Variants in KHDRBS2 observed in about 807,000 individuals in gnomAD.
The protein encoded by KHDRBS2 is KH RNA binding domain containing, signal transduction associated 2.
Under a neutral mutation model 44.3 loss-of-function variants are expected in KHDRBS2, and 26 were observed. The ratio of observed to expected loss-of-function variants is 0.59; its 90% CI spans 0.43 to 0.81. The LOEUF (loss-of-function observed/expected upper bound fraction) is 0.81, where lower values mean the gene tolerates loss of function less well. Ranked by LOEUF, KHDRBS2 falls within the 40% of genes least tolerant of loss-of-function variation. The pLI is 0.00. For synonymous variants in KHDRBS2, 194 were observed against 151.1 expected, an observed-to-expected ratio of 1.28 and a Z score of -2.08; for missense variants, 476 against 433.1, an observed-to-expected ratio of 1.10 and a Z score of -0.88.
At position 61,955,693 on chromosome 6, in the gene KHDRBS2, T is replaced by C. The variant is rs1487695669; in HGVS notation, c.483+22373A>G. Among the ~76,000 whole-genome samples, 11 of 114,230 alleles carry C rather than the reference T, an allele frequency of 9.6e-5. 1 individual carries two copies. The highest frequency in any genetic ancestry group is 3.1e-4 in the African/African-American group (8 of 26,132). The allele number at this position is 114,230 out of a possible 152,430, so 74.9% of individuals were successfully genotyped here. The stretch of plus-strand genomic sequence containing the variant: ...ATGTACACATATGTATGTATACATA[T>C]ATGTGTATATATACACATATGTATG... On this transcript the variant is annotated intron_variant, in intron 4 of 8. Transcript: ENST00000281156.
intron 1 of KHDRBS2, among the ~76,000 whole-genome samples, chr6:62,238,908 CA>C (rs894677734): frequency 1.3e-5 from 2 of 151,916 alleles, no homozygotes; most frequent in African/African-American, 4.8e-5. Flanking sequence ...ATACTTTACC[CA>C]AAAATGTTTA....
At chr6:61,947,902 A>G (rs548336655) in intron 4 of KHDRBS2, among the ~76,000 whole-genome samples, 5 of 143,196 alleles carry the variant, frequency 3.5e-5, no homozygotes, top group Non-Finnish European at 7.6e-5. Context: ...CAAAACCCCC[A>G]CACACACACA....
intron 6 of KHDRBS2, among the ~76,000 whole-genome samples, chr6:61,789,930 C>T (rs926535467): frequency 1.3e-5 from 2 of 151,252 alleles, no homozygotes; most frequent in Non-Finnish European, 3.0e-5. Flanking sequence ...TTAGGAATTG[C>T]AAAATTCCAT....
chr6:62,064,302 A>C (rs972538113), intron 2 of KHDRBS2, among the ~76,000 whole-genome samples: 2 of 150,350 alleles, frequency 1.3e-5, no homozygotes, highest in Non-Finnish European at 3.0e-5. Context: ...TATGGAACAA[A>C]AAAAGAGCCC....
intron 3 of KHDRBS2, among the ~76,000 whole-genome samples, chr6:61,984,825 T>C (rs1157315784): frequency 6.6e-6 from 1 of 152,216 alleles, no homozygotes; most frequent in Non-Finnish European, 1.5e-5. Flanking sequence ...GAAGTGTTTC[T>C]GCCAACATTA....
chr6:62,267,801 C>A (rs749508745), intron 1 of KHDRBS2, among the ~76,000 whole-genome samples: 6 of 152,002 alleles, frequency 3.9e-5, no homozygotes, highest in Admixed American at 2.0e-4. Context: ...GGATTCAAAT[C>A]TATCAACTAC....
intron 3 of KHDRBS2, among the ~76,000 whole-genome samples, chr6:62,034,546 T>C (rs868388299): frequency 1.3e-5 from 2 of 151,900 alleles, no homozygotes; most frequent in African/African-American, 4.8e-5. Flanking sequence ...ACAAAAACCA[T>C]ATAATCATTT....
rs34224350 is a variant in KHDRBS2 at position 61,942,783 on chromosome 6, C to CAAG, written c.483+35282_483+35283insCTT. Among the ~76,000 whole-genome samples, 265 of 152,016 alleles carry CAAG rather than the reference C, an allele frequency of 1.7e-3. 1 individual carries two copies. Among genetic ancestry groups the CAAG allele is most frequent in the Non-Finnish European group, 2.7e-3 (182 of 67,968 alleles). ...TCTACAGCATCTTGAAGTCAAACTGCTTAAAGTGAAAAACAAAGAGAGAAT... is the reference window on the plus strand; with the variant it reads ...TCTACAGCATCTTGAAGTCAAACTGCAAGTTAAAGTGAAAAACAAAGAGAGAAT... On this transcript the variant is annotated intron_variant, in intron 4 of 8. Coordinates refer to ENST00000281156, the MANE Select transcript of KHDRBS2 (RefSeq NM_152688.4).
At position 61,679,974 on chromosome 6, in the gene KHDRBS2, A is replaced by G. The variant is rs185731721; in HGVS notation, c.*989T>C. ...AAGCTTAGAGGATAGTTTAAAATCC[A>G]TTTATTATTCTAAATCCATTTTTTT... On this transcript the variant is annotated 3_prime_UTR_variant, in exon 9 of 9. Coordinates refer to ENST00000281156, the MANE Select transcript of KHDRBS2 (RefSeq NM_152688.4). The G allele has an allele frequency of 2.6e-5, 4 of 151,966 alleles. No individual in the cohort carries two copies. Among genetic ancestry groups the G allele is most frequent in the Non-Finnish European group, 5.9e-5 (4 of 67,922 alleles). The allele number at this position is 151,966 out of a possible 1,614,324, so 9.4% of individuals were successfully genotyped here.
intron 6 of KHDRBS2, among the ~76,000 whole-genome samples, chr6:61,807,965 A>T (rs1316339030): frequency 1.3e-5 from 2 of 152,144 alleles, no homozygotes; most frequent in Non-Finnish European, 2.9e-5. Flanking sequence ...ATCAAGTGTC[A>T]TGTTACGGAG....
chr6:62,022,003 C>CTA (rs1351137846), intron 3 of KHDRBS2, among the ~76,000 whole-genome samples: 23 of 147,972 alleles, frequency 1.6e-4, no homozygotes, highest in African/African-American at 4.2e-4. Context: ...TATACACACA[C>CTA]TATATATATA....
At chr6:61,747,382 G>T (rs1422634469) in intron 6 of KHDRBS2, among the ~76,000 whole-genome samples, 1 of 152,268 alleles carries the variant, frequency 6.6e-6, no homozygotes, top group East Asian at 1.9e-4. Context: ...TTAAACAAGA[G>T]CACGATGACA....
intron 2 of KHDRBS2, among the ~76,000 whole-genome samples, chr6:62,067,345 T>C (rs140213727): frequency 6.2e-4 from 94 of 151,660 alleles, no homozygotes; most frequent in African/African-American, 2.2e-3. Context: ...GTAACAGAAA[T>C]GTTCTATATT....
At chr6:62,182,047 A>T (rs1401131025) in intron 1 of KHDRBS2, among the ~76,000 whole-genome samples, 2 of 152,040 alleles carry the variant, frequency 1.3e-5, no homozygotes, top group Non-Finnish European at 2.9e-5. Flanking sequence ...AGAAAAAAGC[A>T]TCATCTATGA....
intron 2 of KHDRBS2, among the ~76,000 whole-genome samples, chr6:62,157,006 A>G (rs907104107): frequency 6.0e-5 from 9 of 151,220 alleles, no homozygotes; most frequent in Admixed American, 6.6e-5. Context: ...TTTTTATGAC[A>G]ACATGAAATT....
intron 4 of KHDRBS2, among the ~76,000 whole-genome samples, chr6:61,959,831 G>T (rs1436999980): frequency 6.6e-6 from 1 of 152,100 alleles, no homozygotes; most frequent in African/African-American, 2.4e-5. Flanking sequence ...TCTACAATAA[G>T]ATATTAAATA....
intron 1 of KHDRBS2, among the ~76,000 whole-genome samples, chr6:62,266,927 T>G (rs533037249): frequency 6.6e-6 from 1 of 152,038 alleles, no homozygotes; most frequent in Non-Finnish European, 1.5e-5. Flanking sequence ...TAAAAAATAT[T>G]TTTTCTTTAG....
At chr6:61,745,788 C>T (rs564080117) in intron 6 of KHDRBS2, among the ~76,000 whole-genome samples, 8 of 152,146 alleles carry the variant, frequency 5.3e-5, no homozygotes, top group East Asian at 1.9e-4. Context: ...GTCTTTTTCA[C>T]GGCCAATTAT....
the KHDRBS2 span, among the ~76,000 whole-genome samples, chr6:61,601,698 T>C: frequency 6.6e-6 from 1 of 151,936 alleles, no homozygotes; most frequent in African/African-American, 2.4e-5. Flanking sequence ...CTTTCCAATA[T>C]TCCTTTTCTA....
Sources: allele counts gnomAD v4.1 joint callset (sites outside exome capture counted in the v4.1 genomes callset), GRCh38; gene constraint gnomAD v4.1.1; transcripts MANE v1.5; gene names NCBI Gene and HGNC (gene_info 2026-07-23, HGNC 2026-07-21).